The following STRN variants were observed in gnomAD, a reference collection of about 807,000 sequenced individuals.
STRN encodes the protein striatin.
In STRN, 53 loss-of-function variants were observed where a neutral mutation model predicts 96.3. The ratio of observed to expected loss-of-function variants is 0.55; its 90% CI spans 0.44 to 0.69. The LOEUF (loss-of-function observed/expected upper bound fraction) is 0.69. STRN is among the 30% of genes least tolerant of loss of function. The pLI is 0.00. For synonymous variants in STRN, 428 were observed against 355.9 expected (o/e 1.20, Z -2.28); for missense variants, 987 against 963.9 (o/e 1.02, Z -0.32).
chr2:36,861,081 T>G (rs1442447365), intron 13 of STRN, 51 bp downstream of exon 13: 2 of 1,597,324 alleles, frequency 1.3e-6, no homozygotes, highest in South Asian at 1.1e-5. Flanking sequence ...TATGAAAAAA[T>G]GTGTTTAAAA....
chr2:36,956,803 A>G (rs1223537352), intron 1 of STRN, among the ~76,000 whole-genome samples: 1 of 152,236 alleles, frequency 6.6e-6, no homozygotes, highest in African/African-American at 2.4e-5. Flanking sequence ...GCTGTCTGTC[A>G]ACATTATTTC....
chr2:36,907,887 C>T (rs572231082), intron 3 of STRN, among the ~76,000 whole-genome samples: 1 of 151,164 alleles, frequency 6.6e-6, no homozygotes, highest in African/African-American at 2.4e-5. Flanking sequence ...CTGTGATATA[C>T]CAAAGAAACA....
chr2:36,874,983 T>C (rs975462091), intron 10 of STRN, among the ~76,000 whole-genome samples: 2 of 152,162 alleles, frequency 1.3e-5, no homozygotes, highest in Non-Finnish European at 2.9e-5. Context: ...TAATCCTAAC[T>C]GAGTATAGAG....
intron 1 of STRN, among the ~76,000 whole-genome samples, chr2:36,951,251 T>G (rs181568443): frequency 6.6e-6 from 1 of 152,348 alleles, no homozygotes; most frequent in East Asian, 1.9e-4. Flanking sequence ...GAGACAACAC[T>G]ATACTCACAA....
chr2:36,861,942 T>C (rs1032743513), intron 12 of STRN, among the ~76,000 whole-genome samples: 1 of 152,156 alleles, frequency 6.6e-6, no homozygotes, highest in Non-Finnish European at 1.5e-5. Flanking sequence ...CACAGTCAAG[T>C]TGGCCCTAGT....
At position 36,966,522 on chromosome 2, in the gene STRN, G is replaced by T; in HGVS notation, c.-59C>A. ...GCCCAGCAGCGGAGGCAACAGCGGC[G>T]GCAAGCAGCGCCTCCTCCTCCCTCC... On this transcript the variant is annotated 5_prime_UTR_variant, in exon 1 of 18. Transcript: ENST00000263918. 1 of 1,363,764 alleles carries T rather than the reference G, an allele frequency of 7.3e-7. No individual in the cohort carries two copies. 84.5% of individuals were successfully genotyped at this position (1,363,764 alleles called of 1,614,324 possible). A position where few individuals can be genotyped will look rare whatever the true frequency, so the allele number is the denominator to read the frequency against.
chr2:36,916,207 C>T (rs1259879595), intron 2 of STRN, 56 bp from the exon 3 acceptor site: 3 of 1,409,738 alleles, frequency 2.1e-6, no homozygotes, highest in Non-Finnish European at 3.0e-6. Flanking sequence ...AATTAACATA[C>T]ACAATAGTAG....
chr2:36,965,578 G>A (rs1011348663), intron 1 of STRN, among the ~76,000 whole-genome samples: 2 of 152,028 alleles, frequency 1.3e-5, no homozygotes, highest in Admixed American at 1.3e-4. Context: ...CTCTCTGACT[G>A]CGATCATCTA....
chr2:36,888,335 A>G (rs1669292797), intron 7 of STRN, among the ~76,000 whole-genome samples: 1 of 152,082 alleles, frequency 6.6e-6, no homozygotes, highest in Non-Finnish European at 1.5e-5. Context: ...AGATCGTGTC[A>G]CCCTTCTTGC....
intron 2 of STRN, among the ~76,000 whole-genome samples, chr2:36,924,157 C>G (rs1670338681): frequency 6.6e-6 from 1 of 151,974 alleles, no homozygotes; most frequent in Admixed American, 6.6e-5. Context: ...GAGATCAAGA[C>G]CATCCTGGCT....
intron 13 of STRN, 93 bp from the exon 14 acceptor site, chr2:36,858,116 C>T (rs1668393373): frequency 1.1e-6 from 1 of 941,890 alleles, no homozygotes; most frequent in Non-Finnish European, 1.5e-6. Context: ...ACAATAGCAC[C>T]TGATAACAGT....
intron 7 of STRN, among the ~76,000 whole-genome samples, chr2:36,891,369 T>G (rs918467217): frequency 1.4e-4 from 21 of 151,938 alleles, no homozygotes; most frequent in African/African-American, 5.1e-4. Context: ...TCTACTAAAA[T>G]ACAAAAAATA....
intron 10 of STRN, among the ~76,000 whole-genome samples, chr2:36,875,636 C>CA (rs1668884722): frequency 7.0e-6 from 1 of 143,288 alleles, no homozygotes; most frequent in South Asian, 2.2e-4. Flanking sequence ...TATAAGGCAA[C>CA]AAAAACATTG....
Position 36,884,130 on chromosome 2 carries a change from C to T in STRN, c.1043-55G>A, listed in dbSNP as rs541183785. 238 of 1,286,862 alleles carry T rather than the reference C, an allele frequency of 1.8e-4. 1 individual carries two copies. In the African/African-American group the frequency reaches 3.2e-3, roughly 18 times the overall value. 79.7% of individuals were successfully genotyped at this position (1,286,862 alleles called of 1,614,324 possible). A position where few individuals can be genotyped will look rare whatever the true frequency, so the allele number is the denominator to read the frequency against. ...ATAAAAAAGAGAAAAGAGAATTATCCAATTGCATCAAAATGGTATTATAAG... is the reference window on the plus strand; with the variant it reads ...ATAAAAAAGAGAAAAGAGAATTATCTAATTGCATCAAAATGGTATTATAAG... On this transcript the variant is annotated intron_variant, in intron 8 of 17. Transcript: ENST00000263918.
intron 2 of STRN, among the ~76,000 whole-genome samples, chr2:36,921,932 T>C (rs181409370): frequency 1.3e-5 from 2 of 152,314 alleles, no homozygotes; most frequent in Admixed American, 1.3e-4. Flanking sequence ...AAAAATGCTA[T>C]AAAGATCACT....
chr2:36,884,487 G>A (rs573446680), intron 8 of STRN, among the ~76,000 whole-genome samples: 8 of 152,222 alleles, frequency 5.3e-5, no homozygotes, highest in Admixed American at 1.3e-4. Context: ...TATGGTACCC[G>A]AGGTGAAGTC....
intron 1 of STRN, among the ~76,000 whole-genome samples, chr2:36,943,446 T>A (rs887280564): frequency 6.6e-6 from 1 of 152,002 alleles, no homozygotes; most frequent in Non-Finnish European, 1.5e-5. Flanking sequence ...CTTACTATGT[T>A]ACATTGTTCT....
rs1669144349 is a variant in STRN, at chr2:36,883,946, T to C, written c.1172A>G (p.Asn391Ser). ...TAAATACTTACCTTCATCTGCCCTA[T>C]TAATTTCATGTTCAGGAAGCCTGGA... Reference protein sequence around the residue: ...SSSRLPEHEINRADEVEALTF... With the variant: ...SSSRLPEHEISRADEVEALTF... The change falls in exon 9 of 18, where the codon AAT (asparagine) becomes AGT (serine). Residue 391 changes from asparagine to serine, a missense_variant. Transcript: ENST00000263918. The C allele has an allele frequency of 7.1e-7, 1 of 1,401,362 alleles. No individual in the cohort carries two copies. The highest frequency in any genetic ancestry group is 9.3e-7 in the Non-Finnish European group (1 of 1,071,732). The allele number at this position is 1,401,362 out of a possible 1,614,324, so 86.8% of individuals were successfully genotyped here. A position where few individuals can be genotyped will look rare whatever the true frequency, so the allele number is the denominator to read the frequency against.
intron 1 of STRN, among the ~76,000 whole-genome samples, chr2:36,943,429 C>T (rs1030941728): frequency 1.3e-5 from 2 of 151,664 alleles, no homozygotes; most frequent in East Asian, 1.9e-4. Flanking sequence ...AAAACTTTTA[C>T]GAAGCTCTTA....
Sources: allele counts gnomAD v4.1 joint callset (sites outside exome capture counted in the v4.1 genomes callset), GRCh38; gene constraint gnomAD v4.1.1; transcripts MANE v1.5; gene names NCBI Gene and HGNC (gene_info 2026-07-23, HGNC 2026-07-21).